UTP14A: variants seen among roughly 807,000 people sequenced by gnomAD.
UTP14A encodes the protein UTP14A small subunit processome component.
UTP14A carries 5 observed loss-of-function variants against 57.2 expected under a neutral mutation model. The ratio of observed to expected loss-of-function variants is 0.09; its 90% confidence interval spans 0.05 to 0.18. The LOEUF (loss-of-function observed/expected upper bound fraction) is 0.18. Among genes scored for constraint, UTP14A ranks in the 10% least tolerant of loss-of-function variants. The probability of loss-of-function intolerance (pLI) is 1.00; values close to 1 mark genes in which losing one functional copy is unlikely to be tolerated. For synonymous variants in UTP14A, 169 were observed against 210.9 expected (o/e 0.80, Z 1.72); for missense variants, 430 against 562.1 (o/e 0.76, Z 2.38).
intron 6 of UTP14A, 146 bp from the exon 7 acceptor site, chrX:129,919,029 G>A (rs1307770368): frequency 6.9e-6 from 6 of 868,247 alleles, no homozygotes; most frequent in Non-Finnish European, 8.1e-6. Context: ...AACAAGACTG[G>A]AACCCCCTTC....
At chrX:129,906,542 G>C (rs1929264652) in intron 1 of UTP14A, among the ~76,000 whole-genome samples, 1 of 110,667 alleles carries the variant, frequency 9.0e-6, no homozygotes, top group Non-Finnish European at 1.9e-5. Flanking sequence ...GTCGCGGCCC[G>C]ATTTAATCCT....
In UTP14A at chrX:129,929,636, C is replaced by G. The variant is rs1388414706; in HGVS notation, c.*28C>G. ...TGCTGGAGGAGTGACAGCCAGGAGC[C>G]CTGACTTCACTTCCTTTGGTCCAGT... On this transcript the variant is annotated 3_prime_UTR_variant, in exon 15 of 15. Transcript: ENST00000394422. The G allele has an allele frequency of 8.4e-7, 1 of 1,196,756 alleles. No individual in the cohort carries two copies.
Position 129,925,909 on chromosome X carries a change from T to G in UTP14A, c.1750-10T>G. On this transcript the variant is annotated splice_polypyrimidine_tract_variant and intron_variant, in intron 12 of 14. Coordinates refer to ENST00000394422, the MANE Select transcript of UTP14A (RefSeq NM_006649.4). Reference sequence around the variant, plus strand: ...AAGCCAAGCTGTAGCTCTCGCTTGTTTCTTCCCAGGAAGATGAAGAGGAGA... The same window carrying G: ...AAGCCAAGCTGTAGCTCTCGCTTGTGTCTTCCCAGGAAGATGAAGAGGAGA... 8.3e-7 allele frequency: 1 copy of G among 1,209,403 alleles called. No homozygotes were observed. The highest frequency in any genetic ancestry group is 1.1e-6 in the Non-Finnish European group (1 of 894,528).
At chrX:129,912,456 T>C (rs1433655248) in intron 6 of UTP14A, among the ~76,000 whole-genome samples, 1 of 109,860 alleles carries the variant, frequency 9.1e-6, no homozygotes, top group Non-Finnish European at 1.9e-5. Context: ...TAGTATACAG[T>C]ACTTGCTATT....
intron 14 of UTP14A, among the ~76,000 whole-genome samples, chrX:129,927,731 T>C (rs1371337485): frequency 9.0e-6 from 1 of 111,643 alleles, no homozygotes; most frequent in Non-Finnish European, 1.9e-5. Context: ...GGTCTTGAAC[T>C]CCTGACCTCA....
At chrX:129,916,155 C>T (rs1370416650) in intron 6 of UTP14A, among the ~76,000 whole-genome samples, 2 of 109,764 alleles carry the variant, frequency 1.8e-5, no homozygotes, top group Non-Finnish European at 3.8e-5. Context: ...GGGGTTTCAC[C>T]GTGTTAGCCA....
At chrX:129,925,281 C>A in intron 12 of UTP14A, 86 bp downstream of exon 12, 1 of 1,109,082 alleles carries the variant, frequency 9.0e-7, no homozygotes, top group Non-Finnish European at 1.2e-6. Flanking sequence ...GCTGGGGGCA[C>A]ATTTCAGTAG....
At chrX:129,907,766 C>T (rs1277007385) in intron 2 of UTP14A, among the ~76,000 whole-genome samples, 2 of 111,231 alleles carry the variant, frequency 1.8e-5, no homozygotes, top group African/African-American at 6.5e-5. Flanking sequence ...ACCATCCTGG[C>T]TAACACAGTG....
chrX:129,919,032 C>T, intron 6 of UTP14A, 143 bp from the exon 7 acceptor site: 3 of 874,519 alleles, frequency 3.4e-6, no homozygotes, highest in Non-Finnish European at 4.8e-6. Context: ...AAGACTGGAA[C>T]CCCCTTCTCT....
chrX:129,913,756 G>A (rs1929568992), intron 6 of UTP14A, among the ~76,000 whole-genome samples: 1 of 111,695 alleles, frequency 9.0e-6, no homozygotes, highest in Admixed American at 9.6e-5. Flanking sequence ...CGAGGCAGGT[G>A]GATCACCTGA....
chrX:129,922,988 G>A (rs1040899029), intron 11 of UTP14A: 3 of 111,341 alleles, frequency 2.7e-5, no homozygotes, highest in Non-Finnish European at 5.6e-5. Context: ...AATGTGCAGA[G>A]CGGCTGACTG....
chrX:129,913,116 T>C (rs1929542578), intron 6 of UTP14A, among the ~76,000 whole-genome samples: 1 of 112,031 alleles, frequency 8.9e-6, no homozygotes, highest in African/African-American at 3.2e-5. Flanking sequence ...AGATGCCCTC[T>C]TTGTGCTTCT....
In UTP14A at chrX:129,924,836, T is replaced by C; in HGVS notation, c.1390T>C (p.Ser464Pro). Residue 464 changes from serine (S) to proline (P), a missense_variant, in exon 12 of 15, where the codon TCT becomes CCT. This residue lies in a region of UTP14A where 120 missense variants were observed against 116.8 expected (regional missense o/e 1.03). Transcript: ENST00000394422. ...GGTGCTGTCTGAATTGAGAGTACTATCTCAGAAATTGAAGGAAAACCATCA... is the reference window on the plus strand; with the variant it reads ...GGTGCTGTCTGAATTGAGAGTACTACCTCAGAAATTGAAGGAAAACCATCA... ...QEVLSELRVL[S>P]QKLKENHQSR... 1 of 1,207,048 alleles carries C rather than the reference T, an allele frequency of 8.3e-7. No homozygotes were observed. The highest frequency in any genetic ancestry group is 1.8e-5 in the South Asian group (1 of 56,067).
chrX:129,921,645 G>GAA, intron 11 of UTP14A, 58 bp downstream of exon 11: 1 of 1,031,979 alleles, frequency 9.7e-7, no homozygotes, highest in African/African-American at 1.9e-5. Context: ...GACTATGGGA[G>GAA]AAAAAAAAAA....
At chrX:129,925,410 G>T (rs1930068203) in intron 12 of UTP14A, among the ~76,000 whole-genome samples, 1 of 111,673 alleles carries the variant, frequency 9.0e-6, no homozygotes, top group African/African-American at 3.3e-5. Flanking sequence ...AAACTCCTCT[G>T]GGGTGACTCT....
At position 129,929,665 on chromosome X, in the gene UTP14A, A is replaced by G; in HGVS notation, c.*57A>G. On this transcript the variant is annotated 3_prime_UTR_variant, in exon 15 of 15. Coordinates refer to ENST00000394422, the MANE Select transcript of UTP14A (RefSeq NM_006649.4). ...ACTTCACTTCCTTTGGTCCAGTTTT[A>G]CTCTGATACAGGGTGGATTCCAAAA... 8.5e-7 allele frequency: 1 copy of G among 1,169,935 alleles called. No individual in the cohort carries two copies. Among genetic ancestry groups the G allele is most frequent in the African/African-American group, 1.8e-5 (1 of 56,922 alleles).
intron 6 of UTP14A, among the ~76,000 whole-genome samples, chrX:129,913,797 A>G (rs1270466100): frequency 9.0e-6 from 1 of 111,222 alleles, no homozygotes; most frequent in Non-Finnish European, 1.9e-5. Flanking sequence ...CCTGGCCAAC[A>G]TGGCGAAACC....
At chrX:129,921,687 A>G (rs1045764360) in intron 11 of UTP14A, 100 bp downstream of exon 11, 1 of 928,472 alleles carries the variant, frequency 1.1e-6, no homozygotes, top group Non-Finnish European at 1.5e-6. Flanking sequence ...CTGCATAGTG[A>G]TTAGGCGCTG....
chrX:129,924,524 A>T (rs895377744), intron 11 of UTP14A, among the ~76,000 whole-genome samples: 4 of 109,267 alleles, frequency 3.7e-5, no homozygotes, highest in Non-Finnish European at 7.6e-5. Context: ...TGACCTCATG[A>T]TCTGCCCGCC....
Sources: allele counts gnomAD v4.1 joint callset (sites outside exome capture counted in the v4.1 genomes callset), GRCh38; gene constraint gnomAD v4.1.1; regional missense constraint gnomAD v4.1.1; transcripts MANE v1.5; gene names NCBI Gene and HGNC (gene_info 2026-07-23, HGNC 2026-07-21).